WNT9A: variants seen among roughly 807,000 people sequenced by gnomAD.
WNT9A encodes protein Wnt-9a.
Under a neutral mutation model 31.4 loss-of-function variants are expected in WNT9A, and 8 were observed. That is an observed-to-expected ratio of 0.26 (90% CI 0.15 to 0.46). WNT9A has a LOEUF of 0.46. Among genes scored for constraint, WNT9A ranks in the 20% least tolerant of loss-of-function variants. WNT9A has a pLI of 0.99. For missense variants in WNT9A, 457 were observed against 522.9 expected, an observed-to-expected ratio of 0.87 and a Z score of 1.23; for synonymous variants, 236 against 220.1, an observed-to-expected ratio of 1.07 and a Z score of -0.64.
At chr1:227,936,753 A>G (rs1321213561) in intron 1 of WNT9A, among the ~76,000 whole-genome samples, 1 of 152,092 alleles carries the variant, frequency 6.6e-6, no homozygotes, top group Non-Finnish European at 1.5e-5. Context: ...AGCCTCCCAA[A>G]GTGCTGGGAT....
chr1:227,938,373 GAACA>G (rs1418436831), intron 1 of WNT9A, among the ~76,000 whole-genome samples: 2 of 137,506 alleles, frequency 1.5e-5, no homozygotes, highest in Admixed American at 7.3e-5. Context: ...ACACGTACAG[GAACA>G]AACACACCCA....
chr1:227,944,938 G>A (rs1477680428), intron 1 of WNT9A, among the ~76,000 whole-genome samples: 1 of 152,226 alleles, frequency 6.6e-6, no homozygotes, highest in East Asian at 1.9e-4. Context: ...GGGCTGCAAG[G>A]TGCCAGGGAG....
chr1:227,930,253 G>T (rs1666486656), intron 1 of WNT9A, among the ~76,000 whole-genome samples: 1 of 152,130 alleles, frequency 6.6e-6, no homozygotes, highest in South Asian at 2.1e-4. Flanking sequence ...CGCGCCCCAG[G>T]TGTGCTCAGT....
chr1:227,926,834 A>G lies in WNT9A; in HGVS notation c.96-1315T>C, dbSNP rs759301603. ...TAGACCCTGCCACCCACCCCGAGGGAGTAGCTCCTGCCCAACGGTATGGAG... is the reference window on the plus strand; with the variant it reads ...TAGACCCTGCCACCCACCCCGAGGGGGTAGCTCCTGCCCAACGGTATGGAG... On this transcript the variant is annotated intron_variant, in intron 1 of 3. Transcript: ENST00000272164. This position sits in a 1 kb window ranked among gnomAD's most constrained non-coding sequence, Gnocchi z 5.0. Among the ~76,000 whole-genome samples, 3 of 151,916 alleles carry G rather than the reference A, an allele frequency of 2.0e-5. No individual in the cohort carries two copies. Among genetic ancestry groups the G allele is most frequent in the Non-Finnish European group, 4.4e-5 (3 of 67,960 alleles).
chr1:227,921,654 C>G lies in WNT9A; in HGVS notation c.962G>C (p.Ser321Thr). ...RRCHREKNCE[S>T]ICCGRGHNTQ... ...GTTATGGCCGCGGCCACAGCAGATG[C>G]TCTCGCAGTTCTTCTCACGGTGGCA... The change falls in exon 4 of 4, where the codon AGC (serine) becomes ACC (threonine). Residue 321 changes from serine to threonine, a missense_variant. Coordinates refer to ENST00000272164, the MANE Select transcript of WNT9A (RefSeq NM_003395.4). 2 of 1,613,388 alleles carry G rather than the reference C, an allele frequency of 1.2e-6. No individual in the cohort carries two copies. The highest frequency in any genetic ancestry group is 1.1e-5 in the South Asian group (1 of 91,086).
Position 227,925,205 on chromosome 1 carries a change from A to T in WNT9A, c.352+58T>A. The T allele has an allele frequency of 2.1e-6, 3 of 1,459,922 alleles. No individual in the cohort carries two copies. The highest frequency in any genetic ancestry group is 2.7e-6 in the Non-Finnish European group (3 of 1,104,700). 90.4% of individuals were successfully genotyped at this position (1,459,922 alleles called of 1,614,324 possible). ...AAGAGGGGCCTCTTGGGATATGGACAAGGCCTGGGCTGCCACCTGTCTGGG... is the reference window on the plus strand; with the variant it reads ...AAGAGGGGCCTCTTGGGATATGGACTAGGCCTGGGCTGCCACCTGTCTGGG... On this transcript the variant is annotated intron_variant, in intron 2 of 3. Transcript: ENST00000272164. The surrounding 1 kb of genome is among the most constrained non-coding windows in gnomAD (Gnocchi z 6.0).
chr1:227,944,266 G>A (rs538936741), intron 1 of WNT9A, among the ~76,000 whole-genome samples: 4 of 152,202 alleles, frequency 2.6e-5, no homozygotes, highest in Admixed American at 6.5e-5. Context: ...AGCCAGGCGC[G>A]GAGGCCACAC....
intron 1 of WNT9A, among the ~76,000 whole-genome samples, chr1:227,938,214 C>T (rs1666627066): frequency 6.6e-6 from 1 of 151,802 alleles, no homozygotes; most frequent in South Asian, 2.1e-4. Flanking sequence ...CACAAACCCC[C>T]CCACACAGAT....
chr1:227,933,681 T>C (rs551084654), intron 1 of WNT9A, among the ~76,000 whole-genome samples: 2 of 152,162 alleles, frequency 1.3e-5, no homozygotes, highest in Non-Finnish European at 2.9e-5. Flanking sequence ...TAATATTGTC[T>C]CAGGACGTGC....
intron 1 of WNT9A, among the ~76,000 whole-genome samples, chr1:227,933,105 A>G (rs563598287): frequency 2.6e-5 from 4 of 152,356 alleles, no homozygotes; most frequent in East Asian, 1.9e-4. Flanking sequence ...ATCTTCTTTC[A>G]GTAGAAGGCT....
Position 227,939,070 on chromosome 1 carries a change from C to T in WNT9A, c.95+8723G>A, listed in dbSNP as rs578213038. Among the ~76,000 whole-genome samples the T allele has an allele frequency of 8.5e-4, 129 of 152,380 alleles. No individual in the cohort carries two copies. In the South Asian group the frequency reaches 0.013, roughly 15 times the overall value. ...AGCCCCAGCCACTTCCCACCTCTGACTGTCATTCCAGGTGCAGCCATGCAG... is the reference window on the plus strand; with the variant it reads ...AGCCCCAGCCACTTCCCACCTCTGATTGTCATTCCAGGTGCAGCCATGCAG... On this transcript the variant is annotated intron_variant, in intron 1 of 3. Transcript: ENST00000272164.
At chr1:227,927,103 G>C (rs552633250) in intron 1 of WNT9A, among the ~76,000 whole-genome samples, 3 of 152,248 alleles carry the variant, frequency 2.0e-5, no homozygotes, top group Non-Finnish European at 4.4e-5. Context: ...GCTTCTTCAG[G>C]ATGCTCAGAG....
intron 1 of WNT9A, among the ~76,000 whole-genome samples, chr1:227,946,110 G>A (rs1666788931): frequency 1.3e-5 from 2 of 152,098 alleles, no homozygotes; most frequent in Admixed American, 1.3e-4. Flanking sequence ...GGCCAAGGGG[G>A]CCTGGCCAGA....
chr1:227,938,774 T>C (rs1304648647), intron 1 of WNT9A, among the ~76,000 whole-genome samples: 2 of 152,186 alleles, frequency 1.3e-5, no homozygotes, highest in Non-Finnish European at 2.9e-5. Flanking sequence ...AAAACAGGCA[T>C]CTATGCTCTC....
intron 1 of WNT9A, among the ~76,000 whole-genome samples, chr1:227,937,848 T>C (rs996155318): frequency 1.3e-5 from 2 of 152,196 alleles, no homozygotes; most frequent in African/African-American, 2.4e-5. Flanking sequence ...AGCACAGATT[T>C]TGGAAAGGAT....
chr1:227,924,521 G>A, intron 2 of WNT9A, 121 bp from the exon 3 acceptor site: 1 of 1,392,386 alleles, frequency 7.2e-7, no homozygotes, highest in Non-Finnish European at 9.7e-7. Context: ...ATCTTTCCTG[G>A]TGCTGCACTC....
chr1:227,924,371 T>C lies in WNT9A; in HGVS notation c.382A>G (p.Ile128Val). 1.2e-6 allele frequency: 2 copies of C among 1,613,086 alleles called. No homozygotes were observed. Among genetic ancestry groups the C allele is most frequent in the Non-Finnish European group, 1.7e-6 (2 of 1,179,488 alleles). Residue 128 changes from isoleucine to valine, a missense_variant, in exon 3 of 4, where the codon ATC (isoleucine) becomes GTC (valine). By Grantham distance (29) the Ile-to-Val change is conservative. Coordinates refer to ENST00000272164, the MANE Select transcript of WNT9A (RefSeq NM_003395.4). ...GFKETAFLYA[I>V]SSAGLTHALA... Reference sequence around the variant, plus strand: ...GCGTGCGTCAGGCCAGCCGAGGAGATGGCATAGAGGAAGGCAGTCTCCTTG... The same window carrying C: ...GCGTGCGTCAGGCCAGCCGAGGAGACGGCATAGAGGAAGGCAGTCTCCTTG...
chr1:227,946,280 C>T (rs1237712450), intron 1 of WNT9A, among the ~76,000 whole-genome samples: 3 of 152,242 alleles, frequency 2.0e-5, no homozygotes, highest in African/African-American at 7.2e-5. Flanking sequence ...GAGGCCAAGA[C>T]CCAGCGCCAC....
intron 1 of WNT9A, among the ~76,000 whole-genome samples, chr1:227,939,289 C>T (rs1050167545): frequency 3.3e-5 from 5 of 152,212 alleles, no homozygotes; most frequent in African/African-American, 9.7e-5. Context: ...GGAAGCTGGC[C>T]GCGGTGGTCA....
Sources: allele counts gnomAD v4.1 joint callset (sites outside exome capture counted in the v4.1 genomes callset), GRCh38; gene constraint gnomAD v4.1.1; non-coding constraint Gnocchi (gnomAD v3.1); transcripts MANE v1.5; gene names NCBI Gene and HGNC (gene_info 2026-07-23, HGNC 2026-07-21).